CDC42EP3: variants seen among roughly 807,000 people sequenced by gnomAD.
CDC42EP3 encodes the protein CDC42 effector protein (Rho GTPase binding) 3.
In CDC42EP3, 4 loss-of-function variants were observed where a neutral mutation model predicts 15.5. That is an observed-to-expected ratio of 0.26 (90% CI 0.13 to 0.59). CDC42EP3 has a LOEUF of 0.59. Ranked by LOEUF, CDC42EP3 falls within the 20% of genes least tolerant of loss-of-function variation. The pLI, the probability that CDC42EP3 is intolerant of heterozygous loss-of-function variation, is 0.89. For synonymous variants in CDC42EP3, 145 were observed against 130.3 expected, an observed-to-expected ratio of 1.11 and a Z score of -0.77; for missense variants, 309 against 311.2, an observed-to-expected ratio of 0.99 and a Z score of 0.05.
At chr2:37,653,228 G>C (rs1292277845) in intron 1 of CDC42EP3, among the ~76,000 whole-genome samples, 3 of 152,198 alleles carry the variant, frequency 2.0e-5, no homozygotes, top group Non-Finnish European at 4.4e-5. Flanking sequence ...GTGGCAGGCA[G>C]ACAGGTGGGC....
chr2:37,669,763 C>T (rs866518662), intron 1 of CDC42EP3, among the ~76,000 whole-genome samples: 1 of 152,188 alleles, frequency 6.6e-6, no homozygotes, highest in Non-Finnish European at 1.5e-5. Context: ...GAGGCTGGTG[C>T]TGTTTTATTC....
intron 1 of CDC42EP3, among the ~76,000 whole-genome samples, chr2:37,656,783 G>A (rs540804441): frequency 9.9e-5 from 15 of 152,124 alleles, no homozygotes; most frequent in Admixed American, 2.6e-4. Context: ...CACACCAAGA[G>A]CGCAACACGG....
At chr2:37,649,496 TA>T (rs951899740) in intron 1 of CDC42EP3, among the ~76,000 whole-genome samples, 10 of 139,314 alleles carry the variant, frequency 7.2e-5, no homozygotes, top group South Asian at 6.8e-4. Flanking sequence ...CATGAAAATG[TA>T]GCCAGAGAGC....
intron 1 of CDC42EP3, among the ~76,000 whole-genome samples, chr2:37,650,387 A>G (rs1013095227): frequency 1.3e-5 from 2 of 152,164 alleles, no homozygotes; most frequent in Non-Finnish European, 2.9e-5. Context: ...ACCTAATGGG[A>G]TAGTTTCTTC....
At position 37,646,192 on chromosome 2, in the gene CDC42EP3, C is replaced by CTGTT. The variant is rs1379501590; in HGVS notation, c.392_395dup (p.Glu133ThrfsTer13). ...GCAGCTTTGCTGGCCCGAAGGACTC[C>CTGTT]TGTTTGGAATTAAATGTCACTGGTG... On this transcript the variant is annotated frameshift_variant, in exon 2 of 2. Coordinates refer to ENST00000295324, the MANE Select transcript of CDC42EP3 (RefSeq NM_006449.5). LOFTEE classifies it high-confidence loss of function. The CTGTT allele has an allele frequency of 6.2e-7, 1 of 1,614,152 alleles. No homozygotes were observed.
At chr2:37,666,772 A>G (rs1359005810) in intron 1 of CDC42EP3, among the ~76,000 whole-genome samples, 1 of 151,130 alleles carries the variant, frequency 6.6e-6, no homozygotes, top group Non-Finnish European at 1.5e-5. Context: ...TCATCATGTG[A>G]TTCTGATGAA....
rs200264774 is a variant in CDC42EP3 at position 37,645,926 on chromosome 2, T to C, written c.662A>G (p.Glu221Gly). 1 of 1,613,740 alleles carries C rather than the reference T, an allele frequency of 6.2e-7. No individual in the cohort carries two copies. Among genetic ancestry groups the C allele is most frequent in the South Asian group, 1.1e-5 (1 of 91,048 alleles). ...ACCTGTAAGGTCAGAGAGGGACTCC[T>C]CTGACTTAGTCTTTCCCTTGATGAG... ...CELIKGKTKS[E>G]ESLSDLTGSL... Residue 221 changes from glutamate to glycine, a missense_variant, in exon 2 of 2, where the codon GAG (glutamate) becomes GGG (glycine). By Grantham distance (98) the Glu-to-Gly change is moderately conservative (BLOSUM62 -2). Transcript: ENST00000295324.
chr2:37,658,875 C>A (rs1665965528), intron 1 of CDC42EP3, among the ~76,000 whole-genome samples: 1 of 152,230 alleles, frequency 6.6e-6, no homozygotes, highest in African/African-American at 2.4e-5. Flanking sequence ...CAATCTACAC[C>A]AGAGTGAGGT....
chr2:37,656,947 A>G (rs1665869671), intron 1 of CDC42EP3, among the ~76,000 whole-genome samples: 1 of 149,654 alleles, frequency 6.7e-6, no homozygotes, highest in South Asian at 2.1e-4. Flanking sequence ...CTTGTGGTAA[A>G]CGTCAAAAGA....
In CDC42EP3 at chr2:37,646,182, C is replaced by G. The variant is rs751334712; in HGVS notation, c.406G>C (p.Gly136Arg). 1.2e-6 allele frequency: 2 copies of G among 1,613,984 alleles called. No individual in the cohort carries two copies. The highest frequency in any genetic ancestry group is 2.2e-5 in the East Asian group (1 of 44,890). Reference sequence around the variant, plus strand: ...CTAAGCCTGGGCAGCTTTGCTGGCCCGAAGGACTCCTGTTTGGAATTAAAT... The same window carrying G: ...CTAAGCCTGGGCAGCTTTGCTGGCCGGAAGGACTCCTGTTTGGAATTAAAT... Reference protein sequence around the residue: ...VTFNSKQESFGPAKLPRLSCE... With the variant: ...VTFNSKQESFRPAKLPRLSCE... The change falls in exon 2 of 2, where the codon GGG (glycine) becomes CGG (arginine). Residue 136 changes from glycine to arginine, a missense_variant. Physicochemically the swap from Gly to Arg is moderately radical, Grantham distance 125. Transcript: ENST00000295324.
At position 37,646,016 on chromosome 2, in the gene CDC42EP3, C is replaced by G. The variant is rs148928307; in HGVS notation, c.572G>C (p.Ser191Thr). ...SSQGRDSHSS[S>T]LSEQYPDWPA... ...CCAGTCGGGGTACTGTTCGGACAGG[C>G]TGGAGGAGTGGCTGTCTCTGCCTTG... Residue 191 changes from serine (S) to threonine (T), a missense_variant, in exon 2 of 2, where the codon AGC (serine) becomes ACC (threonine). By Grantham distance (58) the Ser-to-Thr change is moderately conservative (BLOSUM62 1). Coordinates refer to ENST00000295324, the MANE Select transcript of CDC42EP3 (RefSeq NM_006449.5). 6.2e-7 allele frequency: 1 copy of G among 1,613,842 alleles called. No individual in the cohort carries two copies. Among genetic ancestry groups the G allele is most frequent in the South Asian group, 1.1e-5 (1 of 91,032 alleles).
chr2:37,651,283 C>CAA (rs1232265663), intron 1 of CDC42EP3, among the ~76,000 whole-genome samples: 22 of 152,112 alleles, frequency 1.4e-4, no homozygotes, highest in African/African-American at 5.1e-4. Flanking sequence ...TTTCACTATC[C>CAA]TTTTATGATT....
chr2:37,655,821 T>C (rs984995238), intron 1 of CDC42EP3, among the ~76,000 whole-genome samples: 1 of 152,248 alleles, frequency 6.6e-6, no homozygotes, highest in Non-Finnish European at 1.5e-5. Context: ...AGCCAGGATA[T>C]TCATTCTAAT....
chr2:37,658,606 G>T (rs980182676), intron 1 of CDC42EP3, among the ~76,000 whole-genome samples: 1 of 152,050 alleles, frequency 6.6e-6, no homozygotes, highest in African/African-American at 2.4e-5. Context: ...GCCTGCCTTA[G>T]GCATCTGCCT....
In CDC42EP3 at chr2:37,644,707, G is replaced by A. The variant is rs934523994; in HGVS notation, c.*1116C>T. Reference sequence around the variant, plus strand: ...AGTTTCTAGCCTCTCAAACCATAAGGAAGTAATCAAAATGAGAGTAGATGG... The same window carrying A: ...AGTTTCTAGCCTCTCAAACCATAAGAAAGTAATCAAAATGAGAGTAGATGG... On this transcript the variant is annotated 3_prime_UTR_variant, in exon 2 of 2. Transcript: ENST00000295324. The A allele has an allele frequency of 3.9e-5, 6 of 151,912 alleles. No individual in the cohort carries two copies. Among genetic ancestry groups the A allele is most frequent in the Non-Finnish European group, 7.4e-5 (5 of 68,000 alleles). The allele number at this position is 151,912 out of a possible 1,614,324, so 9.4% of individuals were successfully genotyped here. A position where few individuals can be genotyped will look rare whatever the true frequency, so the allele number is the denominator to read the frequency against.
rs1247257043 is a variant in CDC42EP3, at chr2:37,642,650, G to C, written c.*3173C>G. On this transcript the variant is annotated 3_prime_UTR_variant, in exon 2 of 2. Transcript: ENST00000295324. Reference sequence around the variant, plus strand: ...GTCTTGCCAGGTTCCATATTAGGAGGATTAGAACTACATCACTCAATATTT... The same window carrying C: ...GTCTTGCCAGGTTCCATATTAGGAGCATTAGAACTACATCACTCAATATTT... 1.3e-5 allele frequency: 2 copies of C among 152,156 alleles called. No homozygotes were observed. Among genetic ancestry groups the C allele is most frequent in the Admixed American group, 1.3e-4 (2 of 15,282 alleles). The allele number at this position is 152,156 out of a possible 1,614,324, so 9.4% of individuals were successfully genotyped here.
intron 1 of CDC42EP3, among the ~76,000 whole-genome samples, chr2:37,655,865 G>A (rs1447487664): frequency 1.3e-5 from 2 of 152,178 alleles, no homozygotes; most frequent in East Asian, 3.8e-4. Flanking sequence ...GCTCTCAGTT[G>A]CTCACAAAAT....
At chr2:37,671,265 G>A (rs148337968) in intron 1 of CDC42EP3, among the ~76,000 whole-genome samples, 161 bp downstream of exon 1, 1 of 152,228 alleles carries the variant, frequency 6.6e-6, no homozygotes, top group African/African-American at 2.4e-5. Context: ...TGTCCCCTTC[G>A]TTCCGTTGGA....
chr2:37,662,841 C>G (rs1463594391), intron 1 of CDC42EP3, among the ~76,000 whole-genome samples: 1 of 152,200 alleles, frequency 6.6e-6, no homozygotes, highest in Non-Finnish European at 1.5e-5. Flanking sequence ...GTGCCTCTCG[C>G]CAGTTCAACC....
Sources: gnomAD v4.1 joint callset for allele counts (sites outside exome capture counted in the v4.1 genomes callset) on GRCh38, gnomAD v4.1.1 for gene constraint, MANE v1.5 for transcripts, NCBI Gene and HGNC (gene_info 2026-07-23, HGNC 2026-07-21) for gene names.